Variants in STK3 observed in about 807,000 individuals in gnomAD.
The protein encoded by STK3 is serine/threonine-protein kinase 3.
Under a neutral mutation model 58.0 loss-of-function variants are expected in STK3, and 41 were observed. The observed-to-expected ratio is 0.71, with a 90% CI of 0.55 to 0.92. The LOEUF (loss-of-function observed/expected upper bound fraction) is 0.92. Ranked by LOEUF, STK3 falls within the 40% of genes least tolerant of loss-of-function variation. STK3 has a pLI of 0.00. For synonymous variants in STK3, 170 were observed against 191.0 expected, an observed-to-expected ratio of 0.89 and a Z score of 0.91; for missense variants, 479 against 602.7, an observed-to-expected ratio of 0.79 and a Z score of 2.15.
intron 1 of STK3, among the ~76,000 whole-genome samples, chr8:98,894,179 T>C (rs1285999776): frequency 6.6e-6 from 1 of 152,212 alleles, no homozygotes; most frequent in Admixed American, 6.5e-5. Flanking sequence ...CTTTCCTTGG[T>C]GAACCAATTC....
At chr8:98,841,655 C>A (rs1478578824) in intron 3 of STK3, among the ~76,000 whole-genome samples, 1 of 122,544 alleles carries the variant, frequency 8.2e-6, no homozygotes, top group Non-Finnish European at 1.6e-5. Flanking sequence ...GCACCCCAGT[C>A]TGGGCAAAAA....
intron 10 of STK3, among the ~76,000 whole-genome samples, chr8:98,476,360 A>C (rs1201443821): frequency 6.6e-6 from 1 of 152,188 alleles, no homozygotes; most frequent in Non-Finnish European, 1.5e-5. Context: ...TGAAAAGTCC[A>C]AGGTAATTAT....
chr8:98,349,631 T>A, the STK3 span, among the ~76,000 whole-genome samples: 618 of 152,326 alleles, frequency 4.1e-3, 3 homozygotes, highest in Non-Finnish European at 6.6e-3. Context: ...CAAACTTCTA[T>A]CTGGACATCC....
intron 6 of STK3, among the ~76,000 whole-genome samples, chr8:98,692,222 T>C (rs1021658125): frequency 2.4e-4 from 37 of 151,988 alleles, no homozygotes; most frequent in African/African-American, 8.7e-4. Context: ...AGTATGGAGG[T>C]TCCTCAAAAA....
chr8:98,564,669 C>T (rs1202704522), intron 8 of STK3, among the ~76,000 whole-genome samples: 1 of 152,162 alleles, frequency 6.6e-6, no homozygotes, highest in East Asian at 1.9e-4. Flanking sequence ...GATGGAAATG[C>T]TAAATATTCT....
Position 98,749,299 on chromosome 8 carries a change from T to C in STK3, c.328A>G (p.Ile110Val). The C allele has an allele frequency of 2.5e-6, 4 of 1,605,490 alleles. No individual in the cohort carries two copies. The highest frequency in any genetic ancestry group is 3.4e-6 in the Non-Finnish European group (4 of 1,175,708). ...ACTGTCTTGTTTCGTAATCTAATTA[T>C]GTCTGAGACAGAGCCAGCGCCACAG... is the stretch of plus-strand genomic sequence containing the variant. ...EYCGAGSVSD[I>V]IRLRNKTLIE... Residue 110 changes from isoleucine (I) to valine (V), a missense_variant, in exon 4 of 11, where the codon ATA becomes GTA. Around this residue, in one of 3 missense-constraint regions of STK3, gnomAD observed 126 missense variants for 210.1 expected, o/e 0.60. Transcript: ENST00000419617.
intron 1 of STK3, among the ~76,000 whole-genome samples, chr8:98,796,354 T>C (rs1033710656): frequency 6.6e-6 from 1 of 152,154 alleles, no homozygotes; most frequent in Non-Finnish European, 1.5e-5. Context: ...CCTACAGCCA[T>C]CTGATCTTCA....
At chr8:98,421,875 G>A (rs1164265407) in intron 3 of STK3, among the ~76,000 whole-genome samples, 5 of 152,080 alleles carry the variant, frequency 3.3e-5, no homozygotes, top group Non-Finnish European at 7.3e-5. Flanking sequence ...TGCCTAGTGG[G>A]GCTGGTGAAG....
intron 7 of STK3, among the ~76,000 whole-genome samples, chr8:98,589,184 G>A (rs1165312537): frequency 1.3e-5 from 2 of 152,232 alleles, no homozygotes; most frequent in South Asian, 4.1e-4. Context: ...CTGCTTTTTA[G>A]AGTTTCCAGT....
intron 3 of STK3, chr8:98,432,400 G>A (rs569384248): frequency 6.0e-6 from 1 of 167,216 alleles, no homozygotes; most frequent in South Asian, 2.1e-4. Context: ...GTGCATTTTG[G>A]AAGTGCTGGG....
chr8:98,828,437 C>CAAAAAAAAAAAAA (rs367737626), upstream of STK3, among the ~76,000 whole-genome samples: 19 of 48,588 alleles, frequency 3.9e-4, no homozygotes, highest in East Asian at 6.6e-4. Context: ...CCCATCTCTA[C>CAAAAAAAAAAAAA]AAAAAAAAAA....
chr8:98,763,845 A>AT (rs1335020457), intron 3 of STK3, among the ~76,000 whole-genome samples: 1 of 151,862 alleles, frequency 6.6e-6, no homozygotes, highest in African/African-American at 2.4e-5. Flanking sequence ...GCTAATTTTT[A>AT]TATCTATTTA....
intron 10 of STK3, among the ~76,000 whole-genome samples, chr8:98,460,627 C>G (rs371881380): frequency 1.1e-4 from 16 of 152,282 alleles, no homozygotes; most frequent in African/African-American, 3.9e-4. Flanking sequence ...TTGTAATCCC[C>G]ATGTGTCTAG....
intron 3 of STK3, chr8:98,413,761 G>T: frequency 1.4e-6 from 1 of 693,214 alleles, no homozygotes; most frequent in Non-Finnish European, 2.7e-6. Context: ...CTGACCCCAT[G>T]AGAGGAAGCC....
At chr8:98,519,280 AAAACAAACAAAC>A (rs149833591) in intron 10 of STK3, among the ~76,000 whole-genome samples, 1 of 152,166 alleles carries the variant, frequency 6.6e-6, no homozygotes, top group African/African-American at 2.4e-5. Context: ...CTATACTGGT[AAAACAAACAAAC>A]AAACAAACAA....
intron 4 of STK3, among the ~76,000 whole-genome samples, chr8:98,737,938 G>A (rs1000054375): frequency 2.6e-5 from 4 of 152,174 alleles, no homozygotes; most frequent in Admixed American, 2.0e-4. Flanking sequence ...TCAAACTCCT[G>A]ACCTCAGGTG....
intron 6 of STK3, among the ~76,000 whole-genome samples, chr8:98,702,879 T>G (rs549318440): frequency 6.6e-6 from 1 of 152,360 alleles, no homozygotes; most frequent in South Asian, 2.1e-4. Context: ...AACTTTGTTC[T>G]AGATAGCCAT....
At chr8:98,827,505 AAGTTT>A (rs1415475239), upstream of STK3, among the ~76,000 whole-genome samples, 5 of 152,324 alleles carry the variant, frequency 3.3e-5, no homozygotes, top group African/African-American at 1.2e-4. Context: ...CAGCTAATAC[AAGTTT>A]AGTTTAGTCC....
chr8:98,776,845 C>A (rs1484258370), intron 1 of STK3, among the ~76,000 whole-genome samples: 1 of 150,950 alleles, frequency 6.6e-6, no homozygotes, highest in African/African-American at 2.4e-5. Flanking sequence ...GGTCAGGAGA[C>A]CGAGACCATC....
Sources: gnomAD v4.1 joint callset for allele counts (sites outside exome capture counted in the v4.1 genomes callset) on GRCh38, gnomAD v4.1.1 for gene constraint, gnomAD v4.1.1 regional missense constraint, MANE v1.5 for transcripts, NCBI Gene and HGNC (gene_info 2026-07-23, HGNC 2026-07-21) for gene names.